Variants in HMCN2 observed in about 807,000 individuals in gnomAD.
HMCN2 encodes the protein hemicentin 2, also known as hemicentin-2.
Under a neutral mutation model 377.5 loss-of-function variants are expected in HMCN2, and 325 were observed. That is an observed-to-expected ratio of 0.86 (90% confidence interval 0.79 to 0.94). The LOEUF is 0.94. Ranked by LOEUF, HMCN2 falls within the 40% of genes least tolerant of loss-of-function variation. HMCN2 has a pLI of 0.00. For missense variants in HMCN2, 4,543 were observed against 4,725.3 expected, an observed-to-expected ratio of 0.96 and a Z score of 1.13; for synonymous variants, 2,007 against 2,046.8, an observed-to-expected ratio of 0.98 and a Z score of 0.53.
Position 130,428,750 on chromosome 9 carries a change from A to G in HMCN2, c.14197+261A>G, listed in dbSNP as rs1315613539. On this transcript the variant is annotated intron_variant, in intron 93 of 97. Transcript: ENST00000683500. This position sits in a 1 kb window ranked among gnomAD's most constrained non-coding sequence, Gnocchi z 5.0. ...CACCTCAGCATCTTGTCTGCTTGATAAAGAGGGAGCCAGGTCAGGGATGGC... is the reference window on the plus strand; with the variant it reads ...CACCTCAGCATCTTGTCTGCTTGATGAAGAGGGAGCCAGGTCAGGGATGGC... Among the ~76,000 whole-genome samples the G allele has an allele frequency of 6.6e-6, 1 of 152,136 alleles. No individual in the cohort carries two copies. The highest frequency in any genetic ancestry group is 1.5e-5 in the Non-Finnish European group (1 of 68,018).
Position 130,385,618 on chromosome 9 carries a change from C to T in HMCN2, c.9165C>T (p.Val3055=), listed in dbSNP as rs7022114. The change falls in exon 60 of 98, where the codon GTC becomes GTT. Residue 3055 remains valine (V), a synonymous_variant. Transcript: ENST00000683500. ...RGPQDAVLVR[V]GDKAVLSCET... is the part of the protein sequence containing the mutation. ...CCCAGGATGCGGTCCTGGTGAGGGT[C>T]GGGGACAAAGCTGTCCTGAGCTGCG... 0.032 allele frequency: 42,147 copies of T among 1,304,036 alleles called. 1,433 individuals carry two copies. Among genetic ancestry groups the T allele is most frequent in the African/African-American group, 0.16 (10,642 of 65,880 alleles). The allele number at this position is 1,304,036 out of a possible 1,614,324, so 80.8% of individuals were successfully genotyped here.
intron 4 of HMCN2, among the ~76,000 whole-genome samples, chr9:130,287,817 G>T (rs552991232): frequency 3.4e-4 from 52 of 152,320 alleles, no homozygotes; most frequent in African/African-American, 1.2e-3. Context: ...AGAGGAAGGA[G>T]AGAGAGGCAG....
At chr9:130,290,019 A>T (rs1564751287) in intron 4 of HMCN2, among the ~76,000 whole-genome samples, 1 of 152,168 alleles carries the variant, frequency 6.6e-6, no homozygotes, top group Non-Finnish European at 1.5e-5. Flanking sequence ...AGCAGCAGCC[A>T]TCTGGCTGGG....
intron 57 of HMCN2, 112 bp downstream of exon 57, chr9:130,383,712 A>T (rs889103390): frequency 4.0e-5 from 15 of 378,542 alleles, no homozygotes; most frequent in Non-Finnish European, 5.4e-5. Flanking sequence ...GAGTTCAGGG[A>T]TCCCAGCTGG....
intron 95 of HMCN2, 61 bp from the exon 96 acceptor site, chr9:130,431,306 G>T (rs952339356): frequency 7.3e-6 from 11 of 1,503,630 alleles, no homozygotes; most frequent in Middle Eastern, 2.3e-4. Flanking sequence ...GTTGGTGTCT[G>T]TGGCTCAGTG....
chr9:130,342,674 G>A (rs1405349213), intron 25 of HMCN2, among the ~76,000 whole-genome samples: 1 of 152,176 alleles, frequency 6.6e-6, no homozygotes, highest in Non-Finnish European at 1.5e-5. Context: ...AAGTCACACA[G>A]CCAGGATGTG....
At chr9:130,273,463 C>A (rs1000767702) in intron 1 of HMCN2, among the ~76,000 whole-genome samples, 4 of 151,970 alleles carry the variant, frequency 2.6e-5, no homozygotes, top group Non-Finnish European at 1.5e-5. Context: ...AGAACAATAC[C>A]ACATAATGGT....
chr9:130,398,652 G>A lies in HMCN2; in HGVS notation c.11428G>A (p.Val3810Ile), dbSNP rs950443765. The A allele has an allele frequency of 2.8e-5, 36 of 1,289,528 alleles. No homozygotes were observed. The highest frequency in any genetic ancestry group is 3.4e-5 in the Non-Finnish European group (34 of 988,684). 79.9% of individuals were successfully genotyped at this position (1,289,528 alleles called of 1,614,324 possible). Residue 3810 changes from valine (V) to isoleucine (I), a missense_variant, in exon 75 of 98, where the codon GTC (valine) becomes ATC (isoleucine). By Grantham distance (29) the Val-to-Ile change is conservative. This residue lies in a region of HMCN2 where 1,073 missense variants were observed against 1,319.5 expected (regional missense o/e 0.81). Coordinates refer to ENST00000683500, the MANE Select transcript of HMCN2 (RefSeq NM_001291815.2). ...EASGSPKPLV[V>I]WWKDGQKLDF... ...CAGCGGCTCCCCTAAGCCCCTGGTG[G>A]TCTGGTGGAAGGACGGACAGAAGCT...
intron 15 of HMCN2, among the ~76,000 whole-genome samples, chr9:130,313,639 A>G (rs1055360603): frequency 3.3e-4 from 50 of 151,820 alleles, no homozygotes; most frequent in African/African-American, 1.1e-3. Context: ...GGGTGAGCTG[A>G]CCAGCGCTCG....
rs1186331624 is a variant in HMCN2 at position 130,277,917 on chromosome 9, C to T, written c.260-6686C>T. On this transcript the variant is annotated intron_variant, in intron 1 of 97. Transcript: ENST00000683500. ...CCACCACCATCATCATCACCACCAC[C>T]ACCATCATCATCATCACCACCACCA... is the stretch of plus-strand genomic sequence containing the variant. Among the ~76,000 whole-genome samples the T allele has an allele frequency of 5.8e-3, 126 of 21,574 alleles. 27 individuals are homozygous for T. Among genetic ancestry groups the T allele is most frequent in the East Asian group, 0.019 (7 of 372 alleles). The allele number at this position is 21,574 out of a possible 152,430, so 14.2% of individuals were successfully genotyped here.
At chr9:130,328,199 A>G (rs1054674397) in intron 22 of HMCN2, among the ~76,000 whole-genome samples, 1 of 152,296 alleles carries the variant, frequency 6.6e-6, no homozygotes, top group African/African-American at 2.4e-5. Flanking sequence ...AGTCCTGCCA[A>G]TCCTTGCAGC....
At chr9:130,366,364 G>C (rs1001537183) in intron 43 of HMCN2, among the ~76,000 whole-genome samples, 1 of 151,584 alleles carries the variant, frequency 6.6e-6, no homozygotes, top group Admixed American at 6.6e-5. Flanking sequence ...TCCTCCATTA[G>C]TCTGTGACCC....
At chr9:130,389,136 C>A (rs985932628) in intron 62 of HMCN2, among the ~76,000 whole-genome samples, 1 of 152,198 alleles carries the variant, frequency 6.6e-6, no homozygotes, top group Non-Finnish European at 1.5e-5. Context: ...ACAGCAGGGG[C>A]CGGCACTGCC....
intron 75 of HMCN2, among the ~76,000 whole-genome samples, chr9:130,399,137 C>G (rs184546169): frequency 2.8e-4 from 43 of 151,272 alleles, no homozygotes; most frequent in Admixed American, 2.8e-3. Context: ...TCTGTGGTCC[C>G]AGCTACCTGG....
chr9:130,431,833 T>G (rs1334700919), intron 96 of HMCN2, among the ~76,000 whole-genome samples: 1 of 152,204 alleles, frequency 6.6e-6, no homozygotes, highest in Non-Finnish European at 1.5e-5. Context: ...CCCTCTCAGA[T>G]AGCTGGGATG....
At position 130,405,978 on chromosome 9, in the gene HMCN2, C is replaced by A. The variant is rs963507595; in HGVS notation, c.12363C>A (p.Thr4121=). The change falls in exon 82 of 98, where the codon ACC becomes ACA. Residue 4121 remains threonine (T), a synonymous_variant. Transcript: ENST00000683500. The stretch of plus-strand genomic sequence containing the variant: ...AGGGCCAGGACGCAGGCACCTATAC[C>A]TGTACCGCTGAGAACGCCGTGGGCC... ...NLEGQDAGTY[T]CTAENAVGRA... 1.6e-6 allele frequency: 2 copies of A among 1,289,332 alleles called. No individual in the cohort carries two copies. Among genetic ancestry groups the A allele is most frequent in the African/African-American group, 1.5e-5 (1 of 65,854 alleles). 79.9% of individuals were successfully genotyped at this position (1,289,332 alleles called of 1,614,324 possible). A position where few individuals can be genotyped will look rare whatever the true frequency, so the allele number is the denominator to read the frequency against.
At chr9:130,328,451 A>G (rs1276830053) in intron 22 of HMCN2, among the ~76,000 whole-genome samples, 3 of 152,168 alleles carry the variant, frequency 2.0e-5, no homozygotes, top group Non-Finnish European at 2.9e-5. Flanking sequence ...CCGCATTCCC[A>G]TTAGTTCACC....
intron 1 of HMCN2, among the ~76,000 whole-genome samples, chr9:130,277,889 TCACCACCAC>T (rs1834830589): frequency 8.2e-5 from 2 of 24,260 alleles, no homozygotes; most frequent in Non-Finnish European, 1.5e-4. Context: ...ACCATCATCA[TCACCACCAC>T]CATCATCATC....
chr9:130,329,506 A>T (rs1469343733), intron 22 of HMCN2, among the ~76,000 whole-genome samples: 1 of 146,852 alleles, frequency 6.8e-6, no homozygotes, highest in African/African-American at 2.5e-5. Context: ...GCAGTGGTGC[A>T]ATCTCAGCTC....
Sources: gnomAD v4.1 joint callset for allele counts (sites outside exome capture counted in the v4.1 genomes callset) on GRCh38, gnomAD v4.1.1 for gene constraint, gnomAD v4.1.1 regional missense constraint, Gnocchi (gnomAD v3.1) non-coding constraint, MANE v1.5 for transcripts, NCBI Gene and HGNC (gene_info 2026-07-23, HGNC 2026-07-21) for gene names.